The following CYP2B6 variants were observed in gnomAD, a reference collection of about 807,000 sequenced individuals.
CYP2B6 encodes cytochrome P450 family 2 subfamily B member 6, also known as cytochrome P450 2B6.
In CYP2B6, 35 loss-of-function variants were observed where a neutral mutation model predicts 43.4. The ratio of observed to expected loss-of-function variants is 0.81; its 90% CI spans 0.62 to 1.07. The LOEUF is 1.07. Among genes scored for constraint, CYP2B6 ranks in the 50% least tolerant of loss-of-function variants. The pLI, the probability that CYP2B6 is intolerant of heterozygous loss-of-function variation, is 0.00. For synonymous variants in CYP2B6, 239 were observed against 239.2 expected, an observed-to-expected ratio of 1.00 and a Z score of 0.01; for missense variants, 624 against 632.8, an observed-to-expected ratio of 0.99 and a Z score of 0.15.
In CYP2B6 at chr19:41,010,085, C is replaced by A. The variant is rs1205152797; in HGVS notation, c.914C>A (p.Thr305Asn). 2 of 1,614,002 alleles carry A rather than the reference C, an allele frequency of 1.2e-6. No homozygotes were observed. Among genetic ancestry groups the A allele is most frequent in the Non-Finnish European group, 1.7e-6 (2 of 1,180,034 alleles). Reference sequence around the variant, plus strand: ...TTTGCTGGCACTGAGACCACCAGCACCACTCTCCGCTACGGCTTCCTGCTC... The same window carrying A: ...TTTGCTGGCACTGAGACCACCAGCAACACTCTCCGCTACGGCTTCCTGCTC... Reference protein sequence around the residue: ...LFFAGTETTSTTLRYGFLLML... With the variant: ...LFFAGTETTSNTLRYGFLLML... Residue 305 changes from threonine to asparagine, a missense_variant, in exon 6 of 9, where the codon ACC becomes AAC. Transcript: ENST00000324071.
chr19:41,006,067 C>G lies in CYP2B6; in HGVS notation c.485-838C>G, dbSNP rs369327237. 9.4e-4 allele frequency among the ~76,000 whole-genome samples: 143 copies of G among 152,156 alleles called. 1 individual carries two copies. Among genetic ancestry groups the G allele is most frequent in the African/African-American group, 3.4e-3 (140 of 41,470 alleles). The stretch of plus-strand genomic sequence containing the variant: ...GTATACAGGTATCACTTAACAAGTA[C>G]AGAATAATTCCCAGAAGACTGGAGA... On this transcript the variant is annotated intron_variant, in intron 3 of 8. Coordinates refer to ENST00000324071, the MANE Select transcript of CYP2B6 (RefSeq NM_000767.5).
In CYP2B6 at chr19:40,992,588, G is replaced by C. The variant is rs35149696; in HGVS notation, c.171+1112G>C. 7.7e-3 allele frequency among the ~76,000 whole-genome samples: 1,171 copies of C among 151,996 alleles called. 12 individuals carry two copies. The highest frequency in any genetic ancestry group is 0.034 in the Middle Eastern group (10 of 294). ...GGCTGAAGTGCTGTGGCATGATCAC[G>C]TCTCACTGCAGCCTTGACCTCCCAA... On this transcript the variant is annotated intron_variant, in intron 1 of 8. Coordinates refer to ENST00000324071, the MANE Select transcript of CYP2B6 (RefSeq NM_000767.5).
chr19:40,995,576 A>G (rs1265411601), intron 1 of CYP2B6, among the ~76,000 whole-genome samples: 5 of 152,234 alleles, frequency 3.3e-5, no homozygotes, highest in Admixed American at 2.6e-4. Context: ...TGGTGAAAAC[A>G]TGCTTTGGCA....
chr19:41,002,746 A>ACCATGTTG (rs1485870421), intron 1 of CYP2B6, among the ~76,000 whole-genome samples: 1 of 151,984 alleles, frequency 6.6e-6, no homozygotes, highest in African/African-American at 2.4e-5. Context: ...ATGGGTTTTC[A>ACCATGTTG]CCATGTTGGT....
At chr19:41,007,358 T>C in intron 4 of CYP2B6, 1 of 427,526 alleles carries the variant, frequency 2.3e-6, no homozygotes, top group Non-Finnish European at 4.3e-6. Context: ...AATCAAGAGA[T>C]TCTGAGAGAC....
intron 3 of CYP2B6, 120 bp downstream of exon 3, chr19:41,004,566 A>G: frequency 8.2e-6 from 9 of 1,101,306 alleles, no homozygotes; most frequent in Non-Finnish European, 9.4e-6. Flanking sequence ...GAAACTGGAG[A>G]CACCATCAGA....
chr19:41,002,792 CTG>C (rs1397492490), intron 1 of CYP2B6, among the ~76,000 whole-genome samples: 193 of 152,132 alleles, frequency 1.3e-3, no homozygotes, highest in African/African-American at 4.5e-3. Context: ...CGTGATCAGC[CTG>C]CCTCAGCCTC....
Position 41,016,118 on chromosome 19 carries a change from G to A in CYP2B6, c.1295-528G>A, listed in dbSNP as rs142324620. 1.4e-4 allele frequency among the ~76,000 whole-genome samples: 22 copies of A among 152,178 alleles called. 1 individual carries two copies. In the East Asian group the frequency reaches 4.1e-3, roughly 28 times the overall value. On this transcript the variant is annotated intron_variant, in intron 8 of 8. Coordinates refer to ENST00000324071, the MANE Select transcript of CYP2B6 (RefSeq NM_000767.5). ...TCTCTTATATAAAAATGAACATGGCGCCGGGTGCAGTGGCTCATGCCTGTA... is the reference window on the plus strand; with the variant it reads ...TCTCTTATATAAAAATGAACATGGCACCGGGTGCAGTGGCTCATGCCTGTA...
At chr19:40,995,922 C>T (rs747636556) in intron 1 of CYP2B6, among the ~76,000 whole-genome samples, 5 of 152,130 alleles carry the variant, frequency 3.3e-5, no homozygotes, top group East Asian at 1.9e-4. Context: ...GTCTGAGCCC[C>T]GAACAAAGGC....
intron 3 of CYP2B6, among the ~76,000 whole-genome samples, chr19:41,005,811 GAAC>G (rs1173451962): frequency 5.3e-4 from 79 of 149,662 alleles, no homozygotes; most frequent in African/African-American, 1.8e-3. Flanking sequence ...ATAAAATAAA[GAAC>G]GGCAGGGGGG....
intron 6 of CYP2B6, 98 bp downstream of exon 6, chr19:41,010,233 G>T (rs1969259836): frequency 2.7e-6 from 4 of 1,473,400 alleles, no homozygotes; most frequent in Admixed American, 3.4e-5. Context: ...GGGGATGCTG[G>T]CTTCCTATTC....
chr19:41,001,017 C>T (rs192003325), intron 1 of CYP2B6, among the ~76,000 whole-genome samples: 268 of 151,818 alleles, frequency 1.8e-3, no homozygotes, highest in Non-Finnish European at 2.1e-3. Context: ...CCATCATGGG[C>T]AACAAAAGTG....
chr19:40,993,378 T>C (rs965173526), intron 1 of CYP2B6, among the ~76,000 whole-genome samples: 3 of 152,018 alleles, frequency 2.0e-5, no homozygotes, highest in Non-Finnish European at 1.5e-5. Flanking sequence ...ATACAATTCA[T>C]GGCAAAAGGT....
At chr19:41,011,498 C>G (rs1969284039) in intron 6 of CYP2B6, among the ~76,000 whole-genome samples, 1 of 152,158 alleles carries the variant, frequency 6.6e-6, no homozygotes, top group Non-Finnish European at 1.5e-5. Flanking sequence ...ATTTATTCAT[C>G]AATCTTTCCA....
intron 1 of CYP2B6, among the ~76,000 whole-genome samples, chr19:40,996,317 G>C (rs1032449600): frequency 2.0e-5 from 3 of 152,096 alleles, no homozygotes; most frequent in African/African-American, 7.3e-5. Context: ...TTATTTAACT[G>C]TTTTACCACT....
intron 8 of CYP2B6, among the ~76,000 whole-genome samples, chr19:41,015,999 TACACACAC>T (rs113314890): frequency 2.0e-5 from 3 of 149,804 alleles, no homozygotes; most frequent in African/African-American, 4.9e-5. Flanking sequence ...CATGTACAGG[TACACACAC>T]ACACACACAC....
rs114113516 is a variant in CYP2B6, at chr19:41,003,465, C to T, written c.172-536C>T. On this transcript the variant is annotated intron_variant, in intron 1 of 8. Coordinates refer to ENST00000324071, the MANE Select transcript of CYP2B6 (RefSeq NM_000767.5). ...CGAATTCTTTATTTCTGGAATTTTC[C>T]ATTTAATATTTTCAGACTGCGATTA... Among the ~76,000 whole-genome samples, 57 of 152,162 alleles carry T rather than the reference C, an allele frequency of 3.7e-4. 1 individual carries two copies. The highest frequency in any genetic ancestry group is 1.3e-3 in the African/African-American group (54 of 41,490).
At chr19:41,014,920 AAGAG>A (rs1261132248) in intron 8 of CYP2B6, among the ~76,000 whole-genome samples, 2 of 152,006 alleles carry the variant, frequency 1.3e-5, no homozygotes, top group Non-Finnish European at 2.9e-5. Flanking sequence ...AGATAGGAAA[AAGAG>A]AGAGTGACAT....
intron 8 of CYP2B6, among the ~76,000 whole-genome samples, chr19:41,015,287 A>G (rs28706875): frequency 0.012 from 1,814 of 151,532 alleles, 31 homozygotes; most frequent in African/African-American, 0.042. Context: ...GGCTGTTGTG[A>G]AAAATGTTAG....
Sources: allele counts gnomAD v4.1 joint callset (sites outside exome capture counted in the v4.1 genomes callset), GRCh38; gene constraint gnomAD v4.1.1; transcripts MANE v1.5; gene names NCBI Gene and HGNC (gene_info 2026-07-23, HGNC 2026-07-21).